BRD2: variants seen among roughly 807,000 people sequenced by gnomAD.
BRD2 encodes bromodomain containing 2.
A neutral mutation model predicts 79.1 loss-of-function variants in BRD2; 15 were observed. That is an observed-to-expected ratio of 0.19 (90% confidence interval 0.13 to 0.29). The LOEUF (loss-of-function observed/expected upper bound fraction) is 0.29. BRD2 is among the 10% of genes least tolerant of loss of function. The pLI is 1.00. For missense variants in BRD2, 1,053 were observed against 991.3 expected (o/e 1.06, Z -0.84); for synonymous variants, 488 against 358.6 (o/e 1.36, Z -4.08).
chr6:32,976,843 T>C lies in BRD2; in HGVS notation c.1107T>C (p.Ala369=). ...TCTCTAAGAAGCATGCTGCCTATGC[T>C]TGGCCTTTCTATAAACCAGTGGATG... ...ELLSKKHAAY[A]WPFYKPVDAS... is the part of the protein sequence containing the mutation. The change falls in exon 7 of 13, where the codon GCT becomes GCC. Residue 369 remains alanine (A), a synonymous_variant. Coordinates refer to ENST00000374825, the MANE Select transcript of BRD2 (RefSeq NM_005104.4). 6.2e-7 allele frequency: 1 copy of C among 1,613,190 alleles called. No homozygotes were observed. Among genetic ancestry groups the C allele is most frequent in the Non-Finnish European group, 8.5e-7 (1 of 1,180,048 alleles).
chr6:32,971,113 G>A (rs889164106), intron 1 of BRD2: 2 of 152,956 alleles, frequency 1.3e-5, no homozygotes, highest in African/African-American at 4.8e-5. Context: ...CGCCTGGAGG[G>A]GGAGGGTTTT....
At position 32,980,729 on chromosome 6, in the gene BRD2, C is replaced by CA. The variant is rs776114924; in HGVS notation, c.*12dup. 2 of 1,612,284 alleles carry CA rather than the reference C, an allele frequency of 1.2e-6. No individual in the cohort carries two copies. The highest frequency in any genetic ancestry group is 3.3e-5 in the Admixed American group (2 of 60,024). ...TCAGACTCAGGCTAAGGGGTCAGGC[C>CA]AGATGGGGCAGGAAGGCTCCGCAGG... On this transcript the variant is annotated 3_prime_UTR_variant, in exon 13 of 13. Coordinates refer to ENST00000374825, the MANE Select transcript of BRD2 (RefSeq NM_005104.4).
chr6:32,978,518 A>G, intron 10 of BRD2, 130 bp downstream of exon 10: 2 of 1,457,824 alleles, frequency 1.4e-6, no homozygotes, highest in Admixed American at 2.3e-5. Context: ...GTGGTCCCCA[A>G]CCTTTTTGGC....
chr6:32,977,478 G>A lies in BRD2; in HGVS notation c.1237G>A (p.Glu413Lys). The A allele has an allele frequency of 6.2e-7, 1 of 1,614,012 alleles. No individual in the cohort carries two copies. The highest frequency in any genetic ancestry group is 8.5e-7 in the Non-Finnish European group (1 of 1,180,028). ...MENRDYRDAQEFAADVRLMFS... is the reference protein window; with the variant it reads ...MENRDYRDAQKFAADVRLMFS... Reference sequence around the variant, plus strand: ...GAACCGTGATTACCGGGATGCACAGGAGTTTGCTGCTGATGTACGGCTTAT... The same window carrying A: ...GAACCGTGATTACCGGGATGCACAGAAGTTTGCTGCTGATGTACGGCTTAT... The change falls in exon 8 of 13, where the codon GAG becomes AAG. Residue 413 changes from glutamate (E) to lysine (K), a missense_variant. Glu to Lys is a moderately conservative substitution (Grantham distance 56, BLOSUM62 1). Around this residue, in one of 5 missense-constraint regions of BRD2, gnomAD observed 454 missense variants for 430.5 expected, o/e 1.05. Transcript: ENST00000374825.
chr6:32,975,030 T>C, intron 3 of BRD2: 1 of 1,526,462 alleles, frequency 6.6e-7, no homozygotes, highest in Non-Finnish European at 8.8e-7. Flanking sequence ...GATTCCCACC[T>C]CGGGTTGGGA....
chr6:32,978,911 C>CT (rs376219092), intron 10 of BRD2: 1 of 160,100 alleles, frequency 6.2e-6, no homozygotes, highest in Non-Finnish European at 1.4e-5. Context: ...TCCAAAAAGA[C>CT]TTTATTTGCA....
At chr6:32,972,959 G>A (rs766289956) in intron 2 of BRD2, 32 bp downstream of exon 2, 3 of 1,614,050 alleles carry the variant, frequency 1.9e-6, no homozygotes, top group South Asian at 2.2e-5. Flanking sequence ...GTGGGAAGGG[G>A]ATGTTGCAGG....
At chr6:32,975,669 AGATGG>A in intron 4 of BRD2, 148 bp downstream of exon 4, 3 of 952,408 alleles carry the variant, frequency 3.1e-6, no homozygotes, top group East Asian at 5.1e-5. Flanking sequence ...ACCTGACTCT[AGATGG>A]TACTATTGAA....
At chr6:32,971,446 G>GTT in intron 1 of BRD2, 149 bp from the exon 2 acceptor site, 1 of 399,822 alleles carries the variant, frequency 2.5e-6, no homozygotes, top group Non-Finnish European at 4.4e-6. Flanking sequence ...GAGGGAGGGA[G>GTT]TGGAGTATTA....
intron 10 of BRD2, chr6:32,978,608 A>C (rs1053075721): frequency 1.5e-6 from 1 of 683,528 alleles, no homozygotes; most frequent in African/African-American, 2.1e-5. Context: ...AAACTGTTCC[A>C]CCTCAGATCA....
At chr6:32,978,413 C>T (rs1779068828) in intron 10 of BRD2, 25 bp downstream of exon 10, 2 of 1,601,224 alleles carry the variant, frequency 1.2e-6, no homozygotes. Context: ...GAAGCAGAGA[C>T]TAGTTTGGCT....
chr6:32,973,969 C>T (rs1778375744), intron 2 of BRD2, among the ~76,000 whole-genome samples: 1 of 152,132 alleles, frequency 6.6e-6, no homozygotes, highest in African/African-American at 2.4e-5. Flanking sequence ...TCTCTTCTAT[C>T]TAGGTGGATT....
chr6:32,979,796 C>T (rs746780115), intron 10 of BRD2, 32 bp from the exon 11 acceptor site: 109 of 1,595,382 alleles, frequency 6.8e-5, no homozygotes, highest in Non-Finnish European at 9.1e-5. Flanking sequence ...GTTAATGAAG[C>T]TTCTTTTGCT....
At position 32,976,924 on chromosome 6, in the gene BRD2, C is replaced by T. The variant is rs754277245; in HGVS notation, c.1188C>T (p.Leu396=). Residue 396 remains leucine, a synonymous_variant, in exon 7 of 13, where the codon CTC becomes CTT. Transcript: ENST00000374825. The part of the protein sequence containing the change: ...YHDIIKHPMD[L]STVKRKMENR... ...ACATCATTAAGCACCCCATGGACCT[C>T]AGCACTGTCAAGGTACCCACTGCAT... is the stretch of plus-strand genomic sequence containing the variant. 26 of 1,610,152 alleles carry T rather than the reference C, an allele frequency of 1.6e-5. No homozygotes were observed. Among genetic ancestry groups the T allele is most frequent in the Non-Finnish European group, 1.8e-5 (21 of 1,178,174 alleles).
intron 10 of BRD2, 44 bp downstream of exon 10, chr6:32,978,432 C>CTATTTCTGTT: frequency 2.5e-6 from 4 of 1,592,546 alleles, no homozygotes; most frequent in Non-Finnish European, 3.4e-6. Flanking sequence ...CTATTTCTGT[C>CTATTTCTGTT]TCTCTGGGGG....
At chr6:32,980,540 A>T (rs752516414) in intron 12 of BRD2, 42 bp from the exon 13 acceptor site, 1 of 1,612,606 alleles carries the variant, frequency 6.2e-7, no homozygotes, top group South Asian at 1.1e-5. Flanking sequence ...ACAAATGAAG[A>T]TTCAGACTTG....
intron 3 of BRD2, chr6:32,975,162 TAGAG>T: frequency 6.9e-7 from 1 of 1,459,848 alleles, no homozygotes. Flanking sequence ...GGTGGGTGGT[TAGAG>T]AAAGGCAGCA....
chr6:32,977,368 TGTG>T (rs1778902821), intron 7 of BRD2, 71 bp from the exon 8 acceptor site: 4 of 1,611,712 alleles, frequency 2.5e-6, no homozygotes, highest in Non-Finnish European at 2.5e-6. Context: ...GGGCTCTTCT[TGTG>T]GTGTCTGGGG....
rs1778230690 is a variant in BRD2 at position 32,973,006 on chromosome 6, T to C, written c.29+79T>C. ...GGGGTGTGGGGCGCCGTGTTGGGAG[T>C]ACTGAGCGGCCCCGGCGCGCTGCTG... On this transcript the variant is annotated intron_variant, in intron 2 of 12. Coordinates refer to ENST00000374825, the MANE Select transcript of BRD2 (RefSeq NM_005104.4). The C allele has an allele frequency of 3.7e-6, 6 of 1,613,342 alleles. No individual in the cohort carries two copies. The Admixed American group carries it at 5.0e-5, about 13-fold the overall frequency.
Sources: allele counts gnomAD v4.1 joint callset (sites outside exome capture counted in the v4.1 genomes callset), GRCh38; gene constraint gnomAD v4.1.1; regional missense constraint gnomAD v4.1.1; transcripts MANE v1.5; gene names NCBI Gene and HGNC (gene_info 2026-07-23, HGNC 2026-07-21).